The following MYO3B variants were observed in gnomAD, a reference collection of about 807,000 sequenced individuals.
MYO3B encodes myosin IIIB, also known as myosin-IIIb.
Under a neutral mutation model 174.6 loss-of-function variants are expected in MYO3B, and 156 were observed. The ratio of observed to expected loss-of-function variants is 0.89; its 90% confidence interval spans 0.78 to 1.02. MYO3B has a LOEUF of 1.02. Ranked by LOEUF, MYO3B falls within the 50% of genes least tolerant of loss-of-function variation. The pLI, the probability that MYO3B is intolerant of heterozygous loss-of-function variation, is 0.00. For synonymous variants in MYO3B, 563 were observed against 569.1 expected (o/e 0.99, Z 0.15); for missense variants, 1,632 against 1,639.4 (o/e 1.00, Z 0.08).
At chr2:170,211,310 CT>C (rs1209448953) in intron 3 of MYO3B, among the ~76,000 whole-genome samples, 4 of 152,164 alleles carry the variant, frequency 2.6e-5, no homozygotes, top group Admixed American at 2.6e-4. Flanking sequence ...GCATAAAGGC[CT>C]TTTAAATAAA....
At chr2:170,433,294 G>T (rs970445741) in intron 22 of MYO3B, among the ~76,000 whole-genome samples, 3 of 152,138 alleles carry the variant, frequency 2.0e-5, no homozygotes, top group African/African-American at 7.2e-5. Context: ...CCATAAATAT[G>T]CTGGGTTTAC....
intron 7 of MYO3B, among the ~76,000 whole-genome samples, chr2:170,276,885 A>G (rs2093467462): frequency 6.6e-6 from 1 of 152,150 alleles, no homozygotes; most frequent in African/African-American, 2.4e-5. Flanking sequence ...TGGTTTCTAT[A>G]TAGTCTAAAA....
intron 32 of MYO3B, chr2:170,602,111 C>G (rs561693665): frequency 8.2e-7 from 1 of 1,222,348 alleles, no homozygotes; most frequent in East Asian, 2.3e-5. Flanking sequence ...TTAGAAAACT[C>G]TGAGAAGTTG....
intron 32 of MYO3B, among the ~76,000 whole-genome samples, chr2:170,572,513 AC>A (rs1352196393): frequency 6.6e-6 from 1 of 151,496 alleles, no homozygotes; most frequent in African/African-American, 2.4e-5. Flanking sequence ...TACTTGTGGA[AC>A]TGAGATGGGA....
chr2:170,325,434 C>T (rs1469455675), intron 7 of MYO3B, among the ~76,000 whole-genome samples: 1 of 152,188 alleles, frequency 6.6e-6, no homozygotes, highest in Non-Finnish European at 1.5e-5. Context: ...TCTTGAACTC[C>T]TGACCTCAGG....
At chr2:170,549,450 C>T (rs1017445777) in intron 32 of MYO3B, among the ~76,000 whole-genome samples, 19 of 152,296 alleles carry the variant, frequency 1.2e-4, no homozygotes, top group Admixed American at 1.1e-3. Flanking sequence ...GCCTGTCTAG[C>T]CACAGCTCCT....
chr2:170,621,135 C>A (rs1011301709), intron 32 of MYO3B, among the ~76,000 whole-genome samples: 1 of 152,044 alleles, frequency 6.6e-6, no homozygotes, highest in African/African-American at 2.4e-5. Flanking sequence ...GCAATCCACC[C>A]GCCTCGGCCT....
At chr2:170,282,104 A>G (rs10930415) in intron 7 of MYO3B, among the ~76,000 whole-genome samples, 46,387 of 151,980 alleles carry the variant, frequency 0.31, 7,267 homozygotes, top group South Asian at 0.43. Flanking sequence ...TTTTTAGTTA[A>G]TATCTTCCCA....
chr2:170,524,280 A>G (rs115088007), intron 30 of MYO3B, among the ~76,000 whole-genome samples: 1,884 of 152,262 alleles, frequency 0.012, 29 homozygotes, highest in African/African-American at 0.031. Context: ...GCTCATAAAC[A>G]TTATCTCAGA....
At chr2:170,534,741 TCA>T (rs1406093981) in intron 30 of MYO3B, among the ~76,000 whole-genome samples, 2 of 152,194 alleles carry the variant, frequency 1.3e-5, no homozygotes, top group African/African-American at 4.8e-5. Flanking sequence ...ACACCCAGCC[TCA>T]GTGTCCTGTA....
intron 32 of MYO3B, among the ~76,000 whole-genome samples, chr2:170,624,474 A>G (rs1034195674): frequency 6.6e-6 from 1 of 152,164 alleles, no homozygotes; most frequent in African/African-American, 2.4e-5. Flanking sequence ...GGCTGAGACG[A>G]TGGGACTTTC....
At chr2:170,452,980 C>G (rs971256849) in intron 23 of MYO3B, among the ~76,000 whole-genome samples, 2 of 152,170 alleles carry the variant, frequency 1.3e-5, no homozygotes, top group African/African-American at 4.8e-5. Flanking sequence ...CAAAAGAGGC[C>G]TAGAGTAGCC....
intron 25 of MYO3B, among the ~76,000 whole-genome samples, chr2:170,489,503 A>G (rs1254888917): frequency 6.6e-6 from 1 of 152,188 alleles, no homozygotes; most frequent in Admixed American, 6.5e-5. Context: ...ACCTTCTACC[A>G]TTTATGGTTT....
At chr2:170,254,242 G>C (rs1292623806) in intron 7 of MYO3B, among the ~76,000 whole-genome samples, 1 of 152,182 alleles carries the variant, frequency 6.6e-6, no homozygotes, top group Non-Finnish European at 1.5e-5. Flanking sequence ...GGCAGGAGGA[G>C]CTGCCTGTAG....
At chr2:170,231,129 G>A (rs1027841781) in intron 6 of MYO3B, among the ~76,000 whole-genome samples, 2 of 152,210 alleles carry the variant, frequency 1.3e-5, no homozygotes, top group African/African-American at 4.8e-5. Flanking sequence ...TGTCAAAGCA[G>A]TTGTGCATGT....
chr2:170,279,384 A>C (rs1407720742), intron 7 of MYO3B, among the ~76,000 whole-genome samples: 1 of 152,070 alleles, frequency 6.6e-6, no homozygotes, highest in Non-Finnish European at 1.5e-5. Context: ...CCTGATAATT[A>C]GTGATGTTGA....
intron 7 of MYO3B, among the ~76,000 whole-genome samples, chr2:170,285,566 T>C (rs1043179965): frequency 1.3e-5 from 2 of 152,192 alleles, no homozygotes; most frequent in African/African-American, 4.8e-5. Flanking sequence ...TTTCACCATA[T>C]GTTGGCCAGG....
intron 22 of MYO3B, among the ~76,000 whole-genome samples, chr2:170,440,798 GTTT>G (rs745789992): frequency 1.0e-5 from 1 of 99,096 alleles, no homozygotes; most frequent in African/African-American, 4.3e-5. Flanking sequence ...TTGGGTGTTG[GTTT>G]TTTTTTTTTT....
intron 14 of MYO3B, among the ~76,000 whole-genome samples, chr2:170,389,533 A>C (rs1317060199): frequency 6.6e-6 from 1 of 152,214 alleles, no homozygotes; most frequent in Non-Finnish European, 1.5e-5. Context: ...TGACAGATAA[A>C]GGGATGAAAA....
Sources: allele counts gnomAD v4.1 joint callset (sites outside exome capture counted in the v4.1 genomes callset), GRCh38; gene constraint gnomAD v4.1.1; transcripts MANE v1.5; gene names NCBI Gene and HGNC (gene_info 2026-07-23, HGNC 2026-07-21).